Variants in PTPRR observed in about 807,000 individuals in gnomAD.
PTPRR encodes the protein protein tyrosine phosphatase receptor type R, also known as receptor-type tyrosine-protein phosphatase R.
PTPRR carries 38 observed loss-of-function variants against 77.2 expected under a neutral mutation model. That is an observed-to-expected ratio of 0.49 (90% CI 0.38 to 0.65). The LOEUF (loss-of-function observed/expected upper bound fraction) is 0.65, where lower values mean the gene tolerates loss of function less well. Ranked by LOEUF, PTPRR falls within the 30% of genes least tolerant of loss-of-function variation. PTPRR has a pLI of 0.00. For missense variants in PTPRR, 744 were observed against 799.2 expected (o/e 0.93, Z 0.83); for synonymous variants, 299 against 283.1 (o/e 1.06, Z -0.57).
intron 2 of PTPRR, among the ~76,000 whole-genome samples, chr12:70,842,284 T>C (rs1247109270): frequency 3.9e-5 from 6 of 152,232 alleles, no homozygotes; most frequent in Non-Finnish European, 7.3e-5. Flanking sequence ...TGGAACTGTT[T>C]GTTTAGTGAC....
chr12:70,794,000 T>C (rs1372782550), intron 2 of PTPRR, among the ~76,000 whole-genome samples: 1 of 152,174 alleles, frequency 6.6e-6, no homozygotes, highest in Non-Finnish European at 1.5e-5. Flanking sequence ...CATGAACTTT[T>C]TGAAGTTCCC....
intron 8 of PTPRR, among the ~76,000 whole-genome samples, chr12:70,691,544 T>G (rs574320081): frequency 6.6e-6 from 1 of 152,296 alleles, no homozygotes; most frequent in East Asian, 1.9e-4. Context: ...AAATACATAC[T>G]TCAGACCAGC....
intron 10 of PTPRR, among the ~76,000 whole-genome samples, chr12:70,663,995 C>T (rs1404608102): frequency 6.6e-6 from 1 of 152,176 alleles, no homozygotes; most frequent in Non-Finnish European, 1.5e-5. Context: ...AACACACCTC[C>T]AGGGCTCTAT....
chr12:70,847,513 T>C (rs73332127), intron 2 of PTPRR, among the ~76,000 whole-genome samples: 6,803 of 152,192 alleles, frequency 0.045, 504 homozygotes, highest in African/African-American at 0.15. Context: ...TTTGGGGCTG[T>C]GGATGTATAA....
chr12:70,780,002 T>C (rs1485852957), intron 2 of PTPRR, among the ~76,000 whole-genome samples: 2 of 152,218 alleles, frequency 1.3e-5, no homozygotes, highest in East Asian at 3.9e-4. Flanking sequence ...ACTCACTTTT[T>C]TTTTTTTTAA....
chr12:70,877,678 G>A (rs1230371745), intron 2 of PTPRR, among the ~76,000 whole-genome samples: 6 of 152,108 alleles, frequency 3.9e-5, no homozygotes, highest in Non-Finnish European at 8.8e-5. Context: ...ACTGCCCAAG[G>A]TAATTTATAG....
At chr12:70,820,820 G>A (rs561408651) in intron 2 of PTPRR, among the ~76,000 whole-genome samples, 1 of 152,272 alleles carries the variant, frequency 6.6e-6, no homozygotes, top group Non-Finnish European at 1.5e-5. Flanking sequence ...GAGTCCTGTT[G>A]TTTTAGCAAG....
chr12:70,843,978 G>A (rs1288822463), intron 2 of PTPRR, among the ~76,000 whole-genome samples: 2 of 151,766 alleles, frequency 1.3e-5, no homozygotes, highest in Non-Finnish European at 2.9e-5. Flanking sequence ...ACCACGCCCA[G>A]CTAATTTTTG....
rs1890690645 is a variant in PTPRR, at chr12:70,761,530, T to C, written c.568A>G (p.Asn190Asp). 6.2e-7 allele frequency: 1 copy of C among 1,612,586 alleles called. No homozygotes were observed. Among genetic ancestry groups the C allele is most frequent in the African/African-American group, 1.3e-5 (1 of 75,008 alleles). ...LPSEEVLRSL[N>D]INVLHQSLSQ... The stretch of plus-strand genomic sequence containing the variant: ...AAACTTTGATGCAAAACATTGATAT[T>C]AAGTGAACGAAGAACTTCCTCAGAG... The change falls in exon 4 of 14, where the codon AAT becomes GAT. Residue 190 changes from asparagine (N) to aspartate (D), a missense_variant. By Grantham distance (23) the Asn-to-Asp change is conservative. This residue lies in a region of PTPRR where 570 missense variants were observed against 573.2 expected (regional missense o/e 0.99). Coordinates refer to ENST00000283228, the MANE Select transcript of PTPRR (RefSeq NM_002849.4).
intron 6 of PTPRR, among the ~76,000 whole-genome samples, chr12:70,713,698 G>A (rs1888917076): frequency 6.6e-6 from 1 of 151,690 alleles, no homozygotes; most frequent in Non-Finnish European, 1.5e-5. Flanking sequence ...TATATATTCT[G>A]TGGATAAATG....
intron 2 of PTPRR, among the ~76,000 whole-genome samples, chr12:70,855,663 C>A (rs1305883746): frequency 1.3e-5 from 2 of 152,134 alleles, no homozygotes; most frequent in African/African-American, 4.8e-5. Flanking sequence ...AAAAGATGAT[C>A]ATTTTTGTTC....
intron 2 of PTPRR, among the ~76,000 whole-genome samples, chr12:70,795,533 T>A (rs1344854096): frequency 6.6e-6 from 1 of 152,238 alleles, no homozygotes; most frequent in Admixed American, 6.5e-5. Context: ...TATTTTTGAC[T>A]TTTTATTACC....
intron 2 of PTPRR, among the ~76,000 whole-genome samples, chr12:70,815,133 CA>C (rs368833751): frequency 4.7e-4 from 65 of 139,096 alleles, no homozygotes; most frequent in African/African-American, 1.5e-3. Context: ...GATAAGATAT[CA>C]AAAAAAAAAA....
chr12:70,898,335 C>T (rs1461027956), intron 1 of PTPRR, among the ~76,000 whole-genome samples: 1 of 150,452 alleles, frequency 6.6e-6, no homozygotes, highest in Non-Finnish European at 1.5e-5. Context: ...GAACCCAATG[C>T]ATTATCTTGT....
intron 3 of PTPRR, among the ~76,000 whole-genome samples, chr12:70,762,314 G>C (rs112357386): frequency 0.068 from 10,305 of 151,584 alleles, 368 homozygotes; most frequent in Admixed American, 0.086. Flanking sequence ...CACACACACA[G>C]AGAGCAGACA....
intron 2 of PTPRR, among the ~76,000 whole-genome samples, chr12:70,827,344 C>A (rs1277368045): frequency 1.3e-5 from 2 of 152,074 alleles, no homozygotes; most frequent in Non-Finnish European, 1.5e-5. Flanking sequence ...CTGCTCTAGA[C>A]TGAGTGGCTT....
chr12:70,704,796 A>T (rs889054271), intron 6 of PTPRR, among the ~76,000 whole-genome samples: 10 of 152,166 alleles, frequency 6.6e-5, no homozygotes, highest in Admixed American at 3.3e-4. Flanking sequence ...CAACATAAAT[A>T]ATAGGAGAAC....
At chr12:70,749,225 T>C (rs1890312071) in intron 5 of PTPRR, among the ~76,000 whole-genome samples, 1 of 152,158 alleles carries the variant, frequency 6.6e-6, no homozygotes, top group Non-Finnish European at 1.5e-5. Context: ...GGAATTATGG[T>C]AAAGAATGCT....
chr12:70,706,289 A>C (rs1445422113), intron 6 of PTPRR, among the ~76,000 whole-genome samples: 1 of 152,120 alleles, frequency 6.6e-6, no homozygotes, highest in Non-Finnish European at 1.5e-5. Context: ...AGGATAAAAC[A>C]GAAATAAACA....
Sources: gnomAD v4.1 joint callset for allele counts (sites outside exome capture counted in the v4.1 genomes callset) on GRCh38, gnomAD v4.1.1 for gene constraint, gnomAD v4.1.1 regional missense constraint, MANE v1.5 for transcripts, NCBI Gene and HGNC (gene_info 2026-07-23, HGNC 2026-07-21) for gene names.